DCC: variants seen among roughly 807,000 people sequenced by gnomAD.
DCC encodes the protein DCC netrin 1 receptor.
A neutral mutation model predicts 172.5 loss-of-function variants in DCC; 58 were observed. That is an observed-to-expected ratio of 0.34 (90% CI 0.27 to 0.42). The LOEUF (loss-of-function observed/expected upper bound fraction) is 0.42, where lower values mean the gene tolerates loss of function less well. DCC is among the 10% of genes least tolerant of loss of function. The probability of loss-of-function intolerance (pLI) is 1.00; values close to 1 mark genes in which losing one functional copy is unlikely to be tolerated. For synonymous variants in DCC, 709 were observed against 644.5 expected (o/e 1.10, Z -1.52); for missense variants, 1,740 against 1,791.0 (o/e 0.97, Z 0.51).
chr18:52,792,829 C>CATTCT (rs1568107128), intron 2 of DCC, among the ~76,000 whole-genome samples: 5 of 127,830 alleles, frequency 3.9e-5, no homozygotes, highest in African/African-American at 1.2e-4. Flanking sequence ...CATTCTATTC[C>CATTCT]ATTCTATTCC....
intron 12 of DCC, among the ~76,000 whole-genome samples, chr18:53,273,516 T>A (rs2056771943): frequency 6.6e-6 from 1 of 152,160 alleles, no homozygotes; most frequent in African/African-American, 2.4e-5. Context: ...AATTATCCAA[T>A]TCATAGTCCT....
rs941002438 is a variant in DCC, at chr18:52,925,364, G to C, written c.979G>C (p.Val327Leu). The C allele has an allele frequency of 1.9e-6, 3 of 1,612,272 alleles. No homozygotes were observed. The Admixed American group carries it at 5.0e-5, about 27-fold the overall frequency. The change falls in exon 5 of 29, where the codon GTC becomes CTC. Residue 327 changes from valine (V) to leucine (L), a missense_variant. Val to Leu is a conservative substitution (Grantham distance 32). Around this residue, in one of 2 missense-constraint regions of DCC, gnomAD observed 1,732 missense variants for 1,767.4 expected, o/e 0.98. Transcript: ENST00000442544. ...TATTAGTGCCTCTGCAGAGCTCACA[G>C]TCTTGGGTAAGTTAGTGGCTGGAGA... ...ENISASAELT[V>L]LVPPWFLNHP...
intron 21 of DCC, among the ~76,000 whole-genome samples, chr18:53,424,779 T>C (rs143177540): frequency 5.7e-4 from 87 of 152,288 alleles, no homozygotes; most frequent in African/African-American, 2.0e-3. Flanking sequence ...CACAAACATA[T>C]CTCATGCCTA....
intron 1 of DCC, among the ~76,000 whole-genome samples, chr18:52,743,094 AT>A (rs2036848239): frequency 6.6e-6 from 1 of 152,172 alleles, no homozygotes; most frequent in African/African-American, 2.4e-5. Flanking sequence ...CTAAAAGTTG[AT>A]TGGTCACTTC....
intron 14 of DCC, among the ~76,000 whole-genome samples, chr18:53,326,941 C>G (rs538691373): frequency 1.3e-5 from 2 of 152,036 alleles, no homozygotes; most frequent in Admixed American, 6.6e-5. Context: ...GTATAACTTA[C>G]CCCCCTGCTT....
intron 2 of DCC, among the ~76,000 whole-genome samples, chr18:52,830,694 G>A (rs7240741): frequency 6.6e-6 from 1 of 152,040 alleles, no homozygotes; most frequent in African/African-American, 2.4e-5. Flanking sequence ...CTAGACTGAA[G>A]TTATTTAATT....
At chr18:53,226,409 T>C (rs1285151946) in intron 12 of DCC, among the ~76,000 whole-genome samples, 1 of 152,156 alleles carries the variant, frequency 6.6e-6, no homozygotes, top group East Asian at 1.9e-4. Flanking sequence ...GTTTTTTTCC[T>C]GTAGTGAACC....
At chr18:53,311,419 G>A (rs1049829790) in intron 13 of DCC, among the ~76,000 whole-genome samples, 20 of 152,042 alleles carry the variant, frequency 1.3e-4, no homozygotes, top group Admixed American at 2.6e-4. Context: ...CACCGCACCC[G>A]GCCATACTGC....
chr18:53,431,516 C>G (rs749905415), intron 21 of DCC, among the ~76,000 whole-genome samples: 85 of 151,056 alleles, frequency 5.6e-4, no homozygotes, highest in Non-Finnish European at 1.2e-3. Context: ...GAGCCAGAGT[C>G]TTGCTTTATC....
At chr18:52,634,410 C>G (rs926156887) in intron 1 of DCC, among the ~76,000 whole-genome samples, 1 of 152,112 alleles carries the variant, frequency 6.6e-6, no homozygotes, top group Non-Finnish European at 1.5e-5. Flanking sequence ...AGTAGTATCA[C>G]ATTAATTATT....
chr18:53,210,055 A>G (rs1419911237), intron 11 of DCC, among the ~76,000 whole-genome samples: 1 of 152,234 alleles, frequency 6.6e-6, no homozygotes, highest in Non-Finnish European at 1.5e-5. Flanking sequence ...GGAGATAGCA[A>G]GGACTTTATA....
At chr18:53,480,060 C>T (rs2045813570) in intron 25 of DCC, among the ~76,000 whole-genome samples, 1 of 152,070 alleles carries the variant, frequency 6.6e-6, no homozygotes, top group Non-Finnish European at 1.5e-5. Context: ...GCCTCATCTT[C>T]TGTCTAATAT....
intron 1 of DCC, among the ~76,000 whole-genome samples, chr18:52,655,956 ATGTGTGTGTG>A (rs58903211): frequency 7.4e-6 from 1 of 135,422 alleles, no homozygotes; most frequent in East Asian, 2.1e-4. Flanking sequence ...TTAAATATAT[ATGTGTGTGTG>A]TGTGTGTGTG....
chr18:52,751,178 A>C (rs577596735), intron 1 of DCC, among the ~76,000 whole-genome samples: 9 of 152,346 alleles, frequency 5.9e-5, no homozygotes, highest in African/African-American at 2.2e-4. Context: ...TGAATGATTT[A>C]AGTATACACC....
At chr18:52,578,001 CCTAA>C (rs757410937) in intron 1 of DCC, among the ~76,000 whole-genome samples, 9 of 152,108 alleles carry the variant, frequency 5.9e-5, no homozygotes, top group Non-Finnish European at 1.0e-4. Flanking sequence ...TCATTACAGC[CCTAA>C]CTATCACCAA....
chr18:53,024,468 A>C (rs534726907), intron 5 of DCC, among the ~76,000 whole-genome samples: 54 of 152,260 alleles, frequency 3.5e-4, no homozygotes, highest in Middle Eastern at 3.4e-3. Context: ...ACAGTATTCA[A>C]ATGCTTTTTA....
chr18:52,371,818 G>A (rs917942479), intron 1 of DCC, among the ~76,000 whole-genome samples: 1 of 152,210 alleles, frequency 6.6e-6, no homozygotes, highest in African/African-American at 2.4e-5. Context: ...ACCTAAGGAA[G>A]AATGTGTTCT....
chr18:52,386,060 G>A (rs1049403085), intron 1 of DCC, among the ~76,000 whole-genome samples: 11 of 151,986 alleles, frequency 7.2e-5, no homozygotes, highest in African/African-American at 2.7e-4. Flanking sequence ...AAACCTTTAG[G>A]TTGTTTCTAG....
rs146238352 is a variant in DCC at position 52,407,268 on chromosome 18, C to T, written c.91+66390C>T. ...TGTCAAGAGAAACTTTGTACCTTAG[C>T]GTTGAAGGTGAAGAGCACTCCTGAG... On this transcript the variant is annotated intron_variant, in intron 1 of 28. Coordinates refer to ENST00000442544, the MANE Select transcript of DCC (RefSeq NM_005215.4). 6.3e-3 allele frequency among the ~76,000 whole-genome samples: 951 copies of T among 151,944 alleles called. 8 individuals are homozygous for T. Among genetic ancestry groups the T allele is most frequent in the African/African-American group, 0.018 (755 of 41,426 alleles).
Sources: allele counts gnomAD v4.1 joint callset (sites outside exome capture counted in the v4.1 genomes callset), GRCh38; gene constraint gnomAD v4.1.1; regional missense constraint gnomAD v4.1.1; transcripts MANE v1.5; gene names NCBI Gene and HGNC (gene_info 2026-07-23, HGNC 2026-07-21).